NKAIN2: variants seen among roughly 807,000 people sequenced by gnomAD.
NKAIN2 encodes sodium/potassium-transporting ATPase subunit beta-1-interacting protein 2.
NKAIN2 carries 14 observed loss-of-function variants against 32.6 expected under a neutral mutation model. The ratio of observed to expected loss-of-function variants is 0.43; its 90% CI spans 0.28 to 0.67. The LOEUF is 0.67. Among genes scored for constraint, NKAIN2 ranks in the 30% least tolerant of loss-of-function variants. The pLI is 0.17. For synonymous variants in NKAIN2, 80 were observed against 87.2 expected, an observed-to-expected ratio of 0.92 and a Z score of 0.46; for missense variants, 198 against 258.3, an observed-to-expected ratio of 0.77 and a Z score of 1.60.
intron 2 of NKAIN2, among the ~76,000 whole-genome samples, chr6:124,285,218 T>A: frequency 6.6e-6 from 1 of 152,212 alleles, no homozygotes; most frequent in East Asian, 1.9e-4. Flanking sequence ...CTGGAGATGA[T>A]GTAAATGATA....
At chr6:124,379,176 GGAA>G (rs1267773082) in intron 3 of NKAIN2, among the ~76,000 whole-genome samples, 2 of 54,026 alleles carry the variant, frequency 3.7e-5, no homozygotes, top group African/African-American at 1.4e-4. Context: ...AGGGAGGGAG[GGAA>G]GAGGAGGGGA....
intron 1 of NKAIN2, among the ~76,000 whole-genome samples, chr6:124,050,461 G>A (rs1782352461): frequency 6.6e-6 from 1 of 151,928 alleles, no homozygotes; most frequent in African/African-American, 2.4e-5. Flanking sequence ...CTCCTCCCAA[G>A]TCTTAATATA....
At chr6:124,756,175 G>A (rs1015747545) in intron 4 of NKAIN2, among the ~76,000 whole-genome samples, 4 of 152,098 alleles carry the variant, frequency 2.6e-5, no homozygotes, top group African/African-American at 9.7e-5. Context: ...AACGGTTTAG[G>A]TGCCTTGTCC....
chr6:124,782,235 T>C (rs1242440777), intron 4 of NKAIN2, among the ~76,000 whole-genome samples: 1 of 152,138 alleles, frequency 6.6e-6, no homozygotes, highest in African/African-American at 2.4e-5. Context: ...TAACTGTTTC[T>C]TTTTTAGTGC....
chr6:124,170,273 C>T (rs375428017), intron 1 of NKAIN2, among the ~76,000 whole-genome samples: 95 of 152,068 alleles, frequency 6.2e-4, no homozygotes, highest in African/African-American at 2.1e-3. Context: ...TTTAAGTGTT[C>T]CCTTGTTTAT....
intron 3 of NKAIN2, among the ~76,000 whole-genome samples, chr6:124,608,778 G>A (rs918907774): frequency 4.6e-5 from 7 of 152,042 alleles, no homozygotes; most frequent in South Asian, 2.1e-4. Context: ...GACCTCACTC[G>A]GGGCAACAGA....
At chr6:124,138,022 C>T (rs1303314380) in intron 1 of NKAIN2, among the ~76,000 whole-genome samples, 1 of 151,944 alleles carries the variant, frequency 6.6e-6, no homozygotes, top group African/African-American at 2.4e-5. Context: ...ATGGAACCTA[C>T]TTAAACTAAA....
intron 3 of NKAIN2, among the ~76,000 whole-genome samples, chr6:124,472,479 A>G (rs1326676697): frequency 2.0e-5 from 3 of 152,096 alleles, no homozygotes; most frequent in Admixed American, 2.0e-4. Flanking sequence ...TGTGGTAGGT[A>G]CACAGGCCTT....
chr6:123,874,214 A>G (rs1190624030), intron 1 of NKAIN2, among the ~76,000 whole-genome samples: 1 of 152,080 alleles, frequency 6.6e-6, no homozygotes, highest in African/African-American at 2.4e-5. Context: ...TAGGAAGGAG[A>G]TGGTTTCCTT....
chr6:124,049,676 C>T (rs1271990984), intron 1 of NKAIN2, among the ~76,000 whole-genome samples: 1 of 152,034 alleles, frequency 6.6e-6, no homozygotes, highest in Non-Finnish European at 1.5e-5. Context: ...TAAAATCTCA[C>T]ACCATTCCAC....
chr6:124,283,110 A>T lies in NKAIN2; in HGVS notation c.160A>T (p.Thr54Ser), dbSNP rs1367851212. The change falls in exon 2 of 7, where the codon ACT becomes TCT. Residue 54 changes from threonine (T) to serine (S), a missense_variant. Coordinates refer to ENST00000368417, the MANE Select transcript of NKAIN2 (RefSeq NM_001040214.3). ...IIIVILGLFG[T>S]IQYRPRYITG... is the part of the protein sequence containing the mutation. ...TATCGTCATTCTTGGTTTGTTTGGA[A>T]CTATTCAATATAGACCTCGTTACAT... The T allele has an allele frequency of 1.2e-6, 2 of 1,610,456 alleles. No homozygotes were observed.
chr6:124,808,610 CATAGTGT>C (rs1780714214), intron 5 of NKAIN2, among the ~76,000 whole-genome samples: 1 of 152,124 alleles, frequency 6.6e-6, no homozygotes, highest in African/African-American at 2.4e-5. Context: ...TCCTATTCAA[CATAGTGT>C]TGGAAGTTAT....
intron 1 of NKAIN2, among the ~76,000 whole-genome samples, chr6:123,974,658 A>G (rs1778476511): frequency 6.6e-6 from 1 of 152,178 alleles, no homozygotes; most frequent in African/African-American, 2.4e-5. Context: ...TGTGCTTTTC[A>G]GAGTAATAAG....
Position 124,817,824 on chromosome 6 carries a change from C to T in NKAIN2, c.536-563C>T, listed in dbSNP as rs555961046. 2.0e-5 allele frequency among the ~76,000 whole-genome samples: 3 copies of T among 152,212 alleles called. No individual in the cohort carries two copies. The East Asian group carries it at 5.8e-4, about 29-fold the overall frequency. ...ATTTGAATATTTGGTTAGACTGTTC[C>T]ACATGTTTACCTCTGATTGTTTAAG... is the stretch of plus-strand genomic sequence containing the variant. On this transcript the variant is annotated intron_variant, in intron 5 of 6. Coordinates refer to ENST00000368417, the MANE Select transcript of NKAIN2 (RefSeq NM_001040214.3).
chr6:124,432,618 CAAAT>C (rs1485223687), intron 3 of NKAIN2, among the ~76,000 whole-genome samples: 3 of 152,018 alleles, frequency 2.0e-5, no homozygotes, highest in East Asian at 3.9e-4. Context: ...AAAATCTAAA[CAAAT>C]AAATAAATAA....
intron 1 of NKAIN2, among the ~76,000 whole-genome samples, chr6:124,189,424 G>C (rs772902456): frequency 1.3e-5 from 2 of 152,178 alleles, no homozygotes; most frequent in African/African-American, 2.4e-5. Context: ...ATGCAAGCCA[G>C]GTGCGGTGAC....
chr6:124,257,032 G>A (rs575534623), intron 1 of NKAIN2, among the ~76,000 whole-genome samples: 1 of 151,490 alleles, frequency 6.6e-6, no homozygotes, highest in Admixed American at 6.6e-5. Context: ...CGAAGGCGTT[G>A]TCACTGACTG....
At chr6:124,720,054 AT>A (rs375640967) in intron 4 of NKAIN2, among the ~76,000 whole-genome samples, 3,287 of 151,874 alleles carry the variant, frequency 0.022, 48 homozygotes, top group African/African-American at 0.038. Flanking sequence ...AGAGGACTGA[AT>A]TTTTTTTTCC....
intron 4 of NKAIN2, among the ~76,000 whole-genome samples, chr6:124,728,852 G>A (rs1414803317): frequency 1.5e-4 from 22 of 151,638 alleles, no homozygotes; most frequent in South Asian, 1.0e-3. Flanking sequence ...TCTAATAGAC[G>A]CAATAAAAAA....
Sources: allele counts gnomAD v4.1 joint callset (sites outside exome capture counted in the v4.1 genomes callset), GRCh38; gene constraint gnomAD v4.1.1; transcripts MANE v1.5; gene names NCBI Gene and HGNC (gene_info 2026-07-23, HGNC 2026-07-21).